The following SLC9A1 variants were observed in gnomAD, a reference collection of about 807,000 sequenced individuals.
SLC9A1 encodes the protein sodium/hydrogen exchanger 1.
Under a neutral mutation model 67.9 loss-of-function variants are expected in SLC9A1, and 22 were observed. The observed-to-expected ratio is 0.32, with a 90% CI of 0.23 to 0.46. SLC9A1 has a LOEUF of 0.46. SLC9A1 is among the 20% of genes least tolerant of loss of function. SLC9A1 has a pLI of 1.00. For missense variants in SLC9A1, 686 were observed against 1,094.8 expected (o/e 0.63, Z 5.27); for synonymous variants, 421 against 471.8 (o/e 0.89, Z 1.40).
rs35231148 is a variant in SLC9A1, at chr1:27,119,042, AACACACACACAC to A, written c.353-4768_353-4757del. ...TCTAGTGTAGGTGGTAGCTGGAACG[AACACACACACAC>A]ACACACACACACACACACACACACA... On this transcript the variant is annotated intron_variant, in intron 1 of 11. Transcript: ENST00000263980. Among the ~76,000 whole-genome samples, 82 of 139,444 alleles carry A rather than the reference AACACACACACAC, an allele frequency of 5.9e-4. 1 individual carries two copies. Among genetic ancestry groups the A allele is most frequent in the African/African-American group, 1.0e-3 (38 of 37,286 alleles). 91.5% of individuals were successfully genotyped at this position (139,444 alleles called of 152,430 possible). A position where few individuals can be genotyped will look rare whatever the true frequency, so the allele number is the denominator to read the frequency against.
intron 1 of SLC9A1, among the ~76,000 whole-genome samples, chr1:27,123,839 T>G (rs542196700): frequency 6.6e-6 from 1 of 150,630 alleles, no homozygotes; most frequent in South Asian, 2.1e-4. Context: ...AAAAAATTTT[T>G]TTTTTGAGAC....
At chr1:27,132,013 C>T (rs2083389936) in intron 1 of SLC9A1, among the ~76,000 whole-genome samples, 1 of 143,676 alleles carries the variant, frequency 7.0e-6, no homozygotes, top group African/African-American at 2.6e-5. Flanking sequence ...GCTTCTTAAT[C>T]CTCACAACTA....
rs144123525 is a variant in SLC9A1, at chr1:27,120,207, C to T, written c.353-5921G>A. Among the ~76,000 whole-genome samples the T allele has an allele frequency of 1.5e-3, 221 of 152,090 alleles. 1 individual carries two copies. Among genetic ancestry groups the T allele is most frequent in the African/African-American group, 4.9e-3 (204 of 41,490 alleles). ...GTGGCGCGATTTCGGCTCACTACAG[C>T]GTCTGCCTCCCGGGTTCAAGTGATT... On this transcript the variant is annotated intron_variant, in intron 1 of 11. Transcript: ENST00000263980.
At chr1:27,135,314 A>G (rs2083412522) in intron 1 of SLC9A1, among the ~76,000 whole-genome samples, 1 of 152,050 alleles carries the variant, frequency 6.6e-6, no homozygotes, top group African/African-American at 2.4e-5. Context: ...TGGTCTCCCA[A>G]AGTGCTGGGA....
chr1:27,104,989 G>A (rs1434998926), intron 5 of SLC9A1, among the ~76,000 whole-genome samples: 1 of 152,096 alleles, frequency 6.6e-6, no homozygotes, highest in African/African-American at 2.4e-5. Flanking sequence ...AGAAATCACT[G>A]AGCAGCAGGC....
Position 27,100,532 on chromosome 1 carries a change from G to C in SLC9A1, c.2223C>G (p.Val741=), listed in dbSNP as rs1427611580. The C allele has an allele frequency of 6.2e-7, 1 of 1,614,090 alleles. No homozygotes were observed. Among genetic ancestry groups the C allele is most frequent in the East Asian group, 2.2e-5 (1 of 44,884 alleles). ...TTGCAGGATCCCGGCTCAACCCTAA[G>C]ACTTTGCCCTTCAGCTCTTCATTCA... is the stretch of plus-strand genomic sequence containing the variant. ...DLVNEELKGK[V]LGLSRDPAKV... Residue 741 remains valine, a synonymous_variant, in exon 12 of 12, where the codon GTC becomes GTG. Transcript: ENST00000263980. The surrounding 1 kb of genome is among the most constrained non-coding windows in gnomAD (Gnocchi z 5.6).
intron 2 of SLC9A1, among the ~76,000 whole-genome samples, chr1:27,112,395 G>A (rs1424716828): frequency 6.6e-6 from 1 of 152,210 alleles, no homozygotes; most frequent in Non-Finnish European, 1.5e-5. Flanking sequence ...GAGCTTTCCT[G>A]TGTGTGCAGC....
chr1:27,114,858 C>T lies in SLC9A1; in HGVS notation c.353-572G>A, dbSNP rs955802643. 7.2e-5 allele frequency among the ~76,000 whole-genome samples: 11 copies of T among 152,246 alleles called. 1 individual carries two copies. The highest frequency in any genetic ancestry group is 2.4e-4 in the African/African-American group (10 of 41,530). On this transcript the variant is annotated intron_variant, in intron 1 of 11. Transcript: ENST00000263980. The surrounding 1 kb of genome is among the most constrained non-coding windows in gnomAD (Gnocchi z 5.4). ...GCACAGAAGAATCTAAGAATACCAG[C>T]GTGGGAAGGAACTTGGGGATAATAA...
intron 1 of SLC9A1, among the ~76,000 whole-genome samples, chr1:27,129,138 A>G (rs2083367983): frequency 6.6e-6 from 1 of 152,228 alleles, no homozygotes. Flanking sequence ...CCAACTGCAC[A>G]GCATTAAGGC....
chr1:27,143,408 T>C (rs1043439021), intron 1 of SLC9A1, among the ~76,000 whole-genome samples: 2 of 152,220 alleles, frequency 1.3e-5, no homozygotes, highest in Non-Finnish European at 2.9e-5. Context: ...GTTGTCTCAC[T>C]TCCCCAGCAA....
chr1:27,126,846 C>T (rs115457856), intron 1 of SLC9A1, among the ~76,000 whole-genome samples: 1,529 of 152,302 alleles, frequency 0.01, 17 homozygotes, highest in Middle Eastern at 0.027. Context: ...GTGTTTGGCA[C>T]TAAGCACATG....
At chr1:27,148,808 TGCTGGGCCCTGAGGGTAACCAAAA>T (rs1482925616) in intron 1 of SLC9A1, among the ~76,000 whole-genome samples, 13 of 152,212 alleles carry the variant, frequency 8.5e-5, no homozygotes, top group Admixed American at 5.9e-4. Context: ...CAGGGGACTC[TGCTGGGCCCTGAGGGTAACCAAAA>T]GCAGCCTGTC....
chr1:27,128,735 A>T (rs973815479), intron 1 of SLC9A1, among the ~76,000 whole-genome samples: 3 of 151,890 alleles, frequency 2.0e-5, no homozygotes, highest in Non-Finnish European at 2.9e-5. Flanking sequence ...AGGCGGGCGG[A>T]TCACCTGAGG....
chr1:27,100,650 G>A lies in SLC9A1; in HGVS notation c.2111-6C>T. 1 of 1,595,154 alleles carries A rather than the reference G, an allele frequency of 6.3e-7. No individual in the cohort carries two copies. The highest frequency in any genetic ancestry group is 8.5e-7 in the Non-Finnish European group (1 of 1,170,042). The stretch of plus-strand genomic sequence containing the variant: ...CGGCTCATAGGCCAGTGGGTCTGGG[G>A]ACCAAGAGCAAGGCACAAGCTGGGT... On this transcript the variant is annotated splice_region_variant and splice_polypyrimidine_tract_variant and intron_variant, in intron 11 of 11. Transcript: ENST00000263980. The surrounding 1 kb of genome is among the most constrained non-coding windows in gnomAD (Gnocchi z 5.6).
At chr1:27,102,314 T>C (rs929711801) in intron 8 of SLC9A1, 71 bp downstream of exon 8, 4 of 1,510,466 alleles carry the variant, frequency 2.6e-6, no homozygotes, top group Non-Finnish European at 3.6e-6. Context: ...GCCCCCCAGG[T>C]GGCCACCTCC....
chr1:27,104,340 C>T (rs1466106708), intron 5 of SLC9A1, among the ~76,000 whole-genome samples: 1 of 152,156 alleles, frequency 6.6e-6, no homozygotes, highest in Non-Finnish European at 1.5e-5. Context: ...CCTCGGCCTC[C>T]CAAAGTGCTG....
Position 27,100,016 on chromosome 1 carries a change from G to A in SLC9A1, c.*291C>T, listed in dbSNP as rs976403488. On this transcript the variant is annotated 3_prime_UTR_variant, in exon 12 of 12. Transcript: ENST00000263980. This position sits in a 1 kb window ranked among gnomAD's most constrained non-coding sequence, Gnocchi z 5.6. Reference sequence around the variant, plus strand: ...TGAGGCAGAGGGAGGAGCCTCCGAGGCCCTAGTCCAGGTCCGGGAGAAGCC... The same window carrying A: ...TGAGGCAGAGGGAGGAGCCTCCGAGACCCTAGTCCAGGTCCGGGAGAAGCC... The A allele has an allele frequency of 2.3e-5, 9 of 386,018 alleles. No homozygotes were observed. Among genetic ancestry groups the A allele is most frequent in the Non-Finnish European group, 3.7e-5 (8 of 216,372 alleles). The allele number at this position is 386,018 out of a possible 1,614,324, so 23.9% of individuals were successfully genotyped here.
intron 1 of SLC9A1, among the ~76,000 whole-genome samples, chr1:27,136,103 T>C (rs2083419065): frequency 6.6e-6 from 1 of 152,226 alleles, no homozygotes. Flanking sequence ...CAGAGCCTTC[T>C]GGGCCCCTCT....
intron 3 of SLC9A1, among the ~76,000 whole-genome samples, chr1:27,108,256 C>T (rs541981791): frequency 7.8e-4 from 118 of 151,020 alleles, no homozygotes; most frequent in African/African-American, 2.6e-3. Flanking sequence ...TTAGTAGAGA[C>T]GGGGTTTCAC....
Sources: allele counts gnomAD v4.1 joint callset (sites outside exome capture counted in the v4.1 genomes callset), GRCh38; gene constraint gnomAD v4.1.1; non-coding constraint Gnocchi (gnomAD v3.1); transcripts MANE v1.5; gene names NCBI Gene and HGNC (gene_info 2026-07-23, HGNC 2026-07-21).